The following LRP1B variants were observed in gnomAD, a reference collection of about 807,000 sequenced individuals.
The protein encoded by LRP1B is LDL receptor related protein 1B.
In LRP1B, 217 loss-of-function variants were observed where a neutral mutation model predicts 556.6. That is an observed-to-expected ratio of 0.39 (90% CI 0.35 to 0.44). The LOEUF (loss-of-function observed/expected upper bound fraction) is 0.44. Among genes scored for constraint, LRP1B ranks in the 20% least tolerant of loss-of-function variants. The pLI, the probability that LRP1B is intolerant of heterozygous loss-of-function variation, is 1.00. For missense variants in LRP1B, 5,053 were observed against 5,620.8 expected, an observed-to-expected ratio of 0.90 and a Z score of 3.23; for synonymous variants, 2,047 against 1,865.8, an observed-to-expected ratio of 1.10 and a Z score of -2.50.
At chr2:141,624,202 T>C (rs1156624594) in intron 2 of LRP1B, among the ~76,000 whole-genome samples, 1 of 152,082 alleles carries the variant, frequency 6.6e-6, no homozygotes, top group Admixed American at 6.5e-5. Context: ...AGGGTACAAG[T>C]TGTTTTTTAT....
In LRP1B at chr2:140,868,281, A is replaced by AG. The variant is rs1206376083; in HGVS notation, c.4170-19_4170-18insC. ...AAAGAATTCTAAAAAAAAAAAAAAAAAAAGAAATAATACTATTGTTTCAGT... is the reference window on the plus strand; with the variant it reads ...AAAGAATTCTAAAAAAAAAAAAAAAAGAAAGAAATAATACTATTGTTTCAGT... On this transcript the variant is annotated intron_variant, in intron 25 of 90. Coordinates refer to ENST00000389484, the MANE Select transcript of LRP1B (RefSeq NM_018557.3). The AG allele has an allele frequency of 3.2e-6, 5 of 1,551,256 alleles. No individual in the cohort carries two copies. In the African/African-American group the frequency reaches 4.2e-5, roughly 13 times the overall value.
chr2:140,247,028 C>T (rs767532655), intron 87 of LRP1B, 58 bp downstream of exon 87: 26 of 1,214,140 alleles, frequency 2.1e-5, no homozygotes, highest in Non-Finnish European at 2.9e-5. Context: ...TCAATAATGA[C>T]ATAACAATGA....
chr2:140,776,484 A>G (rs918972418), intron 32 of LRP1B, among the ~76,000 whole-genome samples: 1 of 62,048 alleles, frequency 1.6e-5, no homozygotes, highest in African/African-American at 3.7e-5. Flanking sequence ...TTAGAAAAGA[A>G]TATATAATAT....
At chr2:140,936,927 T>C (rs947230214) in intron 20 of LRP1B, among the ~76,000 whole-genome samples, 1 of 152,138 alleles carries the variant, frequency 6.6e-6, no homozygotes, top group Non-Finnish European at 1.5e-5. Flanking sequence ...CAACCTAATA[T>C]AAGGCTGTGA....
chr2:142,045,402 T>A (rs578235694), intron 1 of LRP1B, among the ~76,000 whole-genome samples: 80 of 151,852 alleles, frequency 5.3e-4, no homozygotes, highest in Non-Finnish European at 1.1e-3. Context: ...ATTGCAAATA[T>A]TACGATGACA....
chr2:140,479,572 A>G (rs2105353901), intron 59 of LRP1B, among the ~76,000 whole-genome samples: 1 of 152,320 alleles, frequency 6.6e-6, no homozygotes, highest in South Asian at 2.1e-4. Context: ...TTTCTATAAA[A>G]GTGATTAAAT....
At chr2:140,386,059 C>T (rs2105199181) in intron 66 of LRP1B, 50 bp from the exon 67 acceptor site, 3 of 1,152,206 alleles carry the variant, frequency 2.6e-6, no homozygotes, top group Non-Finnish European at 3.9e-6. Flanking sequence ...ATGAAGACAT[C>T]CCTCACAACG....
At chr2:141,949,112 T>C (rs1026705832) in intron 1 of LRP1B, among the ~76,000 whole-genome samples, 2 of 152,160 alleles carry the variant, frequency 1.3e-5, no homozygotes, top group Non-Finnish European at 2.9e-5. Flanking sequence ...ATTTGTTTCA[T>C]ACTATAAACA....
At chr2:140,707,586 A>G (rs1686884457) in intron 37 of LRP1B, among the ~76,000 whole-genome samples, 1 of 152,166 alleles carries the variant, frequency 6.6e-6, no homozygotes, top group East Asian at 1.9e-4. Flanking sequence ...CCATGGCTAC[A>G]TCTTCAGATC....
rs763122474 is a variant in LRP1B at position 140,850,077 on chromosome 2, G to A, written c.4939+25C>T. 2.8e-6 allele frequency: 4 copies of A among 1,406,988 alleles called. No homozygotes were observed. The African/African-American group carries it at 5.7e-5, about 20-fold the overall frequency. The allele number at this position is 1,406,988 out of a possible 1,614,324, so 87.2% of individuals were successfully genotyped here. A position where few individuals can be genotyped will look rare whatever the true frequency, so the allele number is the denominator to read the frequency against. ...AAACTGAATAACAAACACTTTTAAA[G>A]TTGTAACATGTACGAATCTTTTACC... On this transcript the variant is annotated intron_variant, in intron 29 of 90. Transcript: ENST00000389484.
intron 7 of LRP1B, among the ~76,000 whole-genome samples, chr2:141,091,114 T>C (rs1700160849): frequency 6.6e-6 from 1 of 152,186 alleles, no homozygotes; most frequent in Admixed American, 6.5e-5. Flanking sequence ...TCAATTTGTT[T>C]GTGTTTCCCA....
At chr2:141,664,903 T>A (rs138253415) in intron 2 of LRP1B, among the ~76,000 whole-genome samples, 2 of 152,142 alleles carry the variant, frequency 1.3e-5, no homozygotes, top group African/African-American at 4.8e-5. Flanking sequence ...GCCCAAGAAA[T>A]CCTAAGCCAA....
intron 1 of LRP1B, among the ~76,000 whole-genome samples, chr2:141,847,112 A>G (rs1218339308): frequency 1.3e-5 from 2 of 151,570 alleles, no homozygotes; most frequent in Non-Finnish European, 3.0e-5. Flanking sequence ...AACAAATTTT[A>G]AAATCATTAG....
chr2:140,805,542 T>G (rs929595245), intron 32 of LRP1B, among the ~76,000 whole-genome samples: 7 of 152,242 alleles, frequency 4.6e-5, no homozygotes, highest in African/African-American at 1.4e-4. Context: ...GAAATACTTT[T>G]GCCTAACTTA....
chr2:140,602,915 A>T (rs1199186265), intron 41 of LRP1B, among the ~76,000 whole-genome samples: 2 of 152,008 alleles, frequency 1.3e-5, no homozygotes, highest in Admixed American at 6.6e-5. Flanking sequence ...TTTCCCAAGA[A>T]GAAAGCTGAA....
chr2:141,347,241 G>C (rs1688283667), intron 3 of LRP1B, among the ~76,000 whole-genome samples: 1 of 151,744 alleles, frequency 6.6e-6, no homozygotes, highest in Non-Finnish European at 1.5e-5. Flanking sequence ...TTCTGAGTCA[G>C]GTATAAAAAT....
intron 3 of LRP1B, among the ~76,000 whole-genome samples, chr2:141,344,684 C>G (rs1349663113): frequency 6.6e-6 from 1 of 152,018 alleles, no homozygotes; most frequent in Non-Finnish European, 1.5e-5. Flanking sequence ...AATATAAGCT[C>G]CATAAGGGCA....
At chr2:141,343,013 A>G (rs1179492674) in intron 3 of LRP1B, among the ~76,000 whole-genome samples, 1 of 152,214 alleles carries the variant, frequency 6.6e-6, no homozygotes, top group Non-Finnish European at 1.5e-5. Context: ...CCATCCGACT[A>G]ACAGAGGGTC....
chr2:141,978,666 C>T (rs1358976978), intron 1 of LRP1B, among the ~76,000 whole-genome samples: 1 of 151,724 alleles, frequency 6.6e-6, no homozygotes, highest in Non-Finnish European at 1.5e-5. Flanking sequence ...CTCAAAATAC[C>T]CAGTGAGATG....
Sources: allele counts gnomAD v4.1 joint callset (sites outside exome capture counted in the v4.1 genomes callset), GRCh38; gene constraint gnomAD v4.1.1; transcripts MANE v1.5; gene names NCBI Gene and HGNC (gene_info 2026-07-23, HGNC 2026-07-21).